The following COMMD1 variants were observed in gnomAD, a reference collection of about 807,000 sequenced individuals.
COMMD1 encodes COMM domain-containing protein 1.
A neutral mutation model predicts 17.2 loss-of-function variants in COMMD1; 10 were observed. The observed-to-expected ratio is 0.58, with a 90% CI of 0.36 to 0.99. The LOEUF is 0.99. Among genes scored for constraint, COMMD1 ranks in the 50% least tolerant of loss-of-function variants. The pLI is 0.01. For missense variants in COMMD1, 270 were observed against 231.8 expected (o/e 1.17, Z -1.07); for synonymous variants, 97 against 91.6 (o/e 1.06, Z -0.34).
intron 1 of COMMD1, among the ~76,000 whole-genome samples, chr2:61,983,875 TG>T (rs759143124): frequency 3.3e-5 from 5 of 152,322 alleles, no homozygotes; most frequent in Admixed American, 6.5e-5. Context: ...CTACTGACTT[TG>T]GGTTTGGTTT....
At chr2:62,118,342 A>G (rs898932833) in intron 2 of COMMD1, 1 of 152,372 alleles carries the variant, frequency 6.6e-6, no homozygotes, top group East Asian at 1.9e-4. Context: ...GTGAGGGATG[A>G]TTATTGCATT....
At chr2:62,047,334 T>G (rs913172957) in intron 2 of COMMD1, among the ~76,000 whole-genome samples, 3 of 152,192 alleles carry the variant, frequency 2.0e-5, no homozygotes, top group Non-Finnish European at 4.4e-5. Flanking sequence ...TGTAGAATAT[T>G]TATAAATTCT....
At chr2:62,080,001 A>T (rs1346672088) in intron 2 of COMMD1, among the ~76,000 whole-genome samples, 1 of 152,212 alleles carries the variant, frequency 6.6e-6, no homozygotes, top group East Asian at 1.9e-4. Flanking sequence ...GCACCCAAAG[A>T]ATTATACTTC....
At position 61,959,069 on chromosome 2, in the gene COMMD1, G is replaced by A. The variant is rs55971536; in HGVS notation, c.181-41632G>A. 4.6e-3 allele frequency among the ~76,000 whole-genome samples: 695 copies of A among 152,184 alleles called. 4 individuals are homozygous for A. The highest frequency in any genetic ancestry group is 0.016 in the African/African-American group (647 of 41,546). ...TTACTGCTCTTAGTTAGCATTGTTT[G>A]TTTATTTTTGCTCATTTAGTTATAA... is the stretch of plus-strand genomic sequence containing the variant. On this transcript the variant is annotated intron_variant, in intron 1 of 2. Transcript: ENST00000311832.
At chr2:62,012,925 T>C (rs1669328458) in intron 2 of COMMD1, among the ~76,000 whole-genome samples, 1 of 152,072 alleles carries the variant, frequency 6.6e-6, no homozygotes, top group African/African-American at 2.4e-5. Flanking sequence ...GAGCTTTGAA[T>C]GACAAGAAGG....
intron 2 of COMMD1, among the ~76,000 whole-genome samples, chr2:62,081,032 A>T (rs1373158586): frequency 2.0e-5 from 3 of 152,080 alleles, no homozygotes; most frequent in Admixed American, 2.0e-4. Context: ...AAAAAATTCT[A>T]TATGTATATA....
In COMMD1 at chr2:62,041,960, G is replaced by A. The variant is rs543350098; in HGVS notation, c.462+40978G>A. On this transcript the variant is annotated intron_variant, in intron 2 of 2. Transcript: ENST00000311832. ...ACTAAGCTTCCACACTGTGGAAGAG[G>A]ACCTCAGCGGCTTGCCGCTGCTGGC... 5.4e-3 allele frequency among the ~76,000 whole-genome samples: 821 copies of A among 152,334 alleles called. 7 individuals are homozygous for A. Among genetic ancestry groups the A allele is most frequent in the Admixed American group, 8.4e-3 (128 of 15,304 alleles).
rs895878434 is a variant in COMMD1 at position 62,034,446 on chromosome 2, A to G, written c.462+33464A>G. Among the ~76,000 whole-genome samples, 13 of 152,302 alleles carry G rather than the reference A, an allele frequency of 8.5e-5. No homozygotes were observed. The East Asian group carries it at 1.7e-3, about 20-fold the overall frequency. ...GAGGCAGAGGTTGCAGTGAGCCAAG[A>G]TCGTGCCACTGCCCTCCAGCCTGGG... On this transcript the variant is annotated intron_variant, in intron 2 of 2. Transcript: ENST00000311832.
At chr2:61,900,432 G>A (rs1014646834) in intron 1 of COMMD1, among the ~76,000 whole-genome samples, 16 of 152,248 alleles carry the variant, frequency 1.1e-4, no homozygotes, top group Non-Finnish European at 7.3e-5. Context: ...AATATTTTGC[G>A]TCAAAATGAC....
intron 1 of COMMD1, among the ~76,000 whole-genome samples, chr2:61,935,165 T>G (rs1288478685): frequency 6.6e-6 from 1 of 152,206 alleles, no homozygotes; most frequent in Non-Finnish European, 1.5e-5. Flanking sequence ...TTTTAGTTCC[T>G]AGTGACTTCA....
At chr2:62,003,401 C>T (rs1172054644) in intron 2 of COMMD1, among the ~76,000 whole-genome samples, 25 of 151,538 alleles carry the variant, frequency 1.6e-4, no homozygotes, top group Admixed American at 1.6e-3. Context: ...ATTAGCCGGG[C>T]GTGGTGGCGG....
intron 1 of COMMD1, among the ~76,000 whole-genome samples, chr2:61,968,794 G>A (rs182248054): frequency 3.9e-5 from 6 of 152,126 alleles, no homozygotes; most frequent in African/African-American, 7.2e-5. Flanking sequence ...CTGAGCTCAA[G>A]CAGTCCATTT....
chr2:62,026,631 T>C (rs898019024), intron 2 of COMMD1, among the ~76,000 whole-genome samples: 1 of 152,198 alleles, frequency 6.6e-6, no homozygotes, highest in Non-Finnish European at 1.5e-5. Context: ...ATCTTACCCC[T>C]TGATACCAAA....
chr2:61,966,876 A>C (rs1237448628), intron 1 of COMMD1, among the ~76,000 whole-genome samples: 1 of 152,100 alleles, frequency 6.6e-6, no homozygotes, highest in East Asian at 1.9e-4. Context: ...TAAGGCTTCT[A>C]TTTATCTAAG....
chr2:62,013,004 C>T (rs1669331074), intron 2 of COMMD1, among the ~76,000 whole-genome samples: 1 of 152,068 alleles, frequency 6.6e-6, no homozygotes, highest in Non-Finnish European at 1.5e-5. Context: ...AGAAATTAGC[C>T]TTGTTAAGAA....
intron 2 of COMMD1, among the ~76,000 whole-genome samples, chr2:62,045,799 G>A (rs1401477872): frequency 6.3e-5 from 9 of 142,726 alleles, no homozygotes; most frequent in East Asian, 4.1e-4. Context: ...GTGCAGTGGC[G>A]CCATCTCGGC....
chr2:61,953,668 C>T (rs934402933), intron 1 of COMMD1, among the ~76,000 whole-genome samples: 2 of 152,094 alleles, frequency 1.3e-5, no homozygotes, highest in South Asian at 2.1e-4. Flanking sequence ...CTGTGCCTGG[C>T]TGCATTTATT....
intron 2 of COMMD1, among the ~76,000 whole-genome samples, chr2:62,058,446 C>G (rs1053393247): frequency 3.3e-5 from 5 of 152,148 alleles, no homozygotes; most frequent in Admixed American, 2.0e-4. Flanking sequence ...TCTCAAACTC[C>G]TGCACTCACA....
At chr2:61,919,122 C>G (rs1298826291) in intron 1 of COMMD1, among the ~76,000 whole-genome samples, 1 of 152,096 alleles carries the variant, frequency 6.6e-6, no homozygotes, top group African/African-American at 2.4e-5. Context: ...AGCGATTCTC[C>G]TGCCTCAGCC....
Sources: allele counts gnomAD v4.1 joint callset (sites outside exome capture counted in the v4.1 genomes callset), GRCh38; gene constraint gnomAD v4.1.1; transcripts MANE v1.5; gene names NCBI Gene and HGNC (gene_info 2026-07-23, HGNC 2026-07-21).